UBE2Q2: variants seen among roughly 807,000 people sequenced by gnomAD.
UBE2Q2 encodes the protein ubiquitin-conjugating enzyme E2 Q2.
A neutral mutation model predicts 59.9 loss-of-function variants in UBE2Q2; 54 were observed. That is an observed-to-expected ratio of 0.90 (90% CI 0.72 to 1.13). UBE2Q2 has a LOEUF of 1.13. Ranked by LOEUF, UBE2Q2 falls within the 50% of genes most tolerant of loss-of-function variation. The probability of loss-of-function intolerance (pLI) is 0.00; values close to 1 mark genes in which losing one functional copy is unlikely to be tolerated. For missense variants in UBE2Q2, 433 were observed against 441.9 expected (o/e 0.98, Z 0.18); for synonymous variants, 165 against 155.2 (o/e 1.06, Z -0.47).
At chr15:75,863,733 C>T (rs558075589) in intron 3 of UBE2Q2, among the ~76,000 whole-genome samples, 3 of 151,966 alleles carry the variant, frequency 2.0e-5, no homozygotes, top group Admixed American at 1.3e-4. Context: ...GCCTCCGCTT[C>T]GTGGGTTCAA....
At chr15:75,857,553 TTCA>T (rs1896981724) in intron 2 of UBE2Q2, among the ~76,000 whole-genome samples, 1 of 152,196 alleles carries the variant, frequency 6.6e-6, no homozygotes, top group Non-Finnish European at 1.5e-5. Context: ...GGATTCTGCC[TTCA>T]TCATTGCACT....
At chr15:75,866,300 A>C (rs1897475875) in intron 3 of UBE2Q2, among the ~76,000 whole-genome samples, 1 of 151,910 alleles carries the variant, frequency 6.6e-6, no homozygotes, top group South Asian at 2.1e-4. Context: ...CAGCCTCTTG[A>C]GTAGCTGGGA....
intron 9 of UBE2Q2, among the ~76,000 whole-genome samples, chr15:75,886,673 A>G (rs1898793166): frequency 6.6e-6 from 1 of 151,622 alleles, no homozygotes; most frequent in Non-Finnish European, 1.5e-5. Flanking sequence ...GGATCATCTG[A>G]GTCAGGAGTT....
rs756670016 is a variant in UBE2Q2, at chr15:75,868,986, GGAAGAA to G, written c.432_437del (p.Glu145_Glu146del). On this transcript the variant is annotated inframe_deletion, in exon 4 of 13. Transcript: ENST00000267938. ...CAGAAGAAGTGACTTCAGAAGAAGA[GGAAGAA>G]GAAGAAGAGATGGCTGAAGTAGGTA... 1 of 1,612,266 alleles carries G rather than the reference GGAAGAA, an allele frequency of 6.2e-7. No homozygotes were observed. The highest frequency in any genetic ancestry group is 1.3e-5 in the African/African-American group (1 of 74,820).
At chr15:75,896,722 A>G (rs1012159364) in intron 11 of UBE2Q2, among the ~76,000 whole-genome samples, 5 of 152,198 alleles carry the variant, frequency 3.3e-5, no homozygotes, top group African/African-American at 1.2e-4. Flanking sequence ...AGAACCAGAA[A>G]GCTTTGTACT....
chr15:75,856,265 GTGTGTATATATATATATA>G (rs1896903238), intron 2 of UBE2Q2, among the ~76,000 whole-genome samples: 1 of 103,250 alleles, frequency 9.7e-6, no homozygotes, highest in African/African-American at 3.9e-5. Context: ...GTGTGTGTGT[GTGTGTATATATATATATA>G]TATATATATA....
chr15:75,889,901 T>C (rs958100561), intron 9 of UBE2Q2, among the ~76,000 whole-genome samples: 1 of 152,200 alleles, frequency 6.6e-6, no homozygotes, highest in Non-Finnish European at 1.5e-5. Flanking sequence ...TCTTCAGGCC[T>C]AGAAAGAGCT....
chr15:75,851,010 T>C (rs1410426145), intron 1 of UBE2Q2, among the ~76,000 whole-genome samples: 2 of 152,260 alleles, frequency 1.3e-5, no homozygotes, highest in Non-Finnish European at 2.9e-5. Context: ...CATTTGCTTT[T>C]GCATTTAATT....
At position 75,854,482 on chromosome 15, in the gene UBE2Q2, A is replaced by AATT; in HGVS notation, c.278_280dup (p.Asn93_Leu94insTyr). 1 of 1,604,640 alleles carries AATT rather than the reference A, an allele frequency of 6.2e-7. No individual in the cohort carries two copies. Among genetic ancestry groups the AATT allele is most frequent in the East Asian group, 2.2e-5 (1 of 44,676 alleles). ...ACGTCTAGAAGATACTAAGAACAAC[A>AATT]ATTTGGTAAGAAAATAAGCCAAGCT... On this transcript the variant is annotated inframe_insertion, in exon 2 of 13. Transcript: ENST00000267938.
At chr15:75,888,744 ACTTGT>A (rs1265789418) in intron 9 of UBE2Q2, among the ~76,000 whole-genome samples, 1 of 152,218 alleles carries the variant, frequency 6.6e-6, no homozygotes, top group African/African-American at 2.4e-5. Context: ...TACTAGAACT[ACTTGT>A]CTTGTGTTCA....
At chr15:75,896,943 A>G in intron 11 of UBE2Q2, 52 bp from the exon 12 acceptor site, 2 of 1,213,202 alleles carry the variant, frequency 1.6e-6, no homozygotes, top group Non-Finnish European at 2.3e-6. Flanking sequence ...ATTTATTGTA[A>G]TAATTTTCAC....
At chr15:75,880,907 C>G (rs1002332885) in intron 8 of UBE2Q2, among the ~76,000 whole-genome samples, 1 of 152,164 alleles carries the variant, frequency 6.6e-6, no homozygotes, top group Non-Finnish European at 1.5e-5. Context: ...AAGCTTCTTA[C>G]GTAGCTTTTT....
intron 1 of UBE2Q2, among the ~76,000 whole-genome samples, chr15:75,847,526 C>A (rs1896415169): frequency 6.6e-6 from 1 of 151,982 alleles, no homozygotes; most frequent in African/African-American, 2.4e-5. Flanking sequence ...CCTTTTTATT[C>A]TTTTCTGTGA....
intron 3 of UBE2Q2, among the ~76,000 whole-genome samples, chr15:75,867,166 A>T (rs2604409): frequency 0.018 from 2,690 of 152,278 alleles, 82 homozygotes; most frequent in African/African-American, 0.061. Flanking sequence ...CTCCTGAGCT[A>T]AAAGGAAGAG....
Position 75,890,803 on chromosome 15 carries a change from C to CTA in UBE2Q2, c.934-115_934-114dup, listed in dbSNP as rs1489618473. 1.9e-5 allele frequency: 17 copies of CTA among 873,584 alleles called. No individual in the cohort carries two copies. The East Asian group carries it at 4.2e-4, about 22-fold the overall frequency. 54.1% of individuals were successfully genotyped at this position (873,584 alleles called of 1,614,324 possible). On this transcript the variant is annotated intron_variant, in intron 10 of 12. Transcript: ENST00000267938. ...TTCCAATTTTACTTTTTCCCCTTGA[C>CTA]TACAGTCTTTTTAACACTGATTTGC...
chr15:75,899,431 G>T lies in UBE2Q2; in HGVS notation c.1101G>T (p.Trp367Cys). Residue 367 changes from tryptophan to cysteine, a missense_variant, in exon 13 of 13, where the codon TGG becomes TGT. Coordinates refer to ENST00000267938, the MANE Select transcript of UBE2Q2 (RefSeq NM_173469.4). ...SIVQIHEKNG[W>C]YTPPKEDG is the part of the protein sequence containing the mutation. ...TTTTTTTTCATTCTATTTCAGGCTG[G>T]TACACCCCTCCAAAGGAAGATGGCT... 2 of 1,590,224 alleles carry T rather than the reference G, an allele frequency of 1.3e-6. No homozygotes were observed. Among genetic ancestry groups the T allele is most frequent in the Non-Finnish European group, 8.6e-7 (1 of 1,169,338 alleles).
In UBE2Q2 at chr15:75,899,504, A is replaced by C. The variant is rs1395369865; in HGVS notation, c.*46A>C. On this transcript the variant is annotated 3_prime_UTR_variant, in exon 13 of 13. Coordinates refer to ENST00000267938, the MANE Select transcript of UBE2Q2 (RefSeq NM_173469.4). ...TTGGACTAATGTTGCTTTAAAGAAA[A>C]TCTTTCTAACATGCAGACAAAAGCT... 1 of 1,541,364 alleles carries C rather than the reference A, an allele frequency of 6.5e-7. No individual in the cohort carries two copies. The highest frequency in any genetic ancestry group is 1.8e-5 in the Admixed American group (1 of 55,570).
At position 75,843,611 on chromosome 15, in the gene UBE2Q2, T is replaced by G; in HGVS notation, c.-56T>G. 1 of 1,463,346 alleles carries G rather than the reference T, an allele frequency of 6.8e-7. No homozygotes were observed. The highest frequency in any genetic ancestry group is 9.1e-7 in the Non-Finnish European group (1 of 1,098,404). 90.6% of individuals were successfully genotyped at this position (1,463,346 alleles called of 1,614,324 possible). A position where few individuals can be genotyped will look rare whatever the true frequency, so the allele number is the denominator to read the frequency against. On this transcript the variant is annotated 5_prime_UTR_variant, in exon 1 of 13. Transcript: ENST00000267938. Reference sequence around the variant, plus strand: ...CCGTGACGGCGGCTCCGGGCCCGGCTCCCCTTCCGCGCCCGGCTCCCCTTC... The same window carrying G: ...CCGTGACGGCGGCTCCGGGCCCGGCGCCCCTTCCGCGCCCGGCTCCCCTTC...
In UBE2Q2 at chr15:75,901,050, T is replaced by C. The variant is rs1413048512; in HGVS notation, c.*1592T>C. Reference sequence around the variant, plus strand: ...AATAAAGAACCATTTAAAAATTTTGTTTGTGCTGATCATGGCAAGCAAAAA... The same window carrying C: ...AATAAAGAACCATTTAAAAATTTTGCTTGTGCTGATCATGGCAAGCAAAAA... On this transcript the variant is annotated 3_prime_UTR_variant, in exon 13 of 13. Transcript: ENST00000267938. 1 of 152,650 alleles carries C rather than the reference T, an allele frequency of 6.6e-6. No individual in the cohort carries two copies. Among genetic ancestry groups the C allele is most frequent in the Non-Finnish European group, 1.5e-5 (1 of 68,030 alleles). The allele number at this position is 152,650 out of a possible 1,614,324, so 9.5% of individuals were successfully genotyped here.
Sources: gnomAD v4.1 joint callset for allele counts (sites outside exome capture counted in the v4.1 genomes callset) on GRCh38, gnomAD v4.1.1 for gene constraint, MANE v1.5 for transcripts, NCBI Gene and HGNC (gene_info 2026-07-23, HGNC 2026-07-21) for gene names.